Variants in MRE11 observed in about 807,000 individuals in gnomAD.
The protein encoded by MRE11 is MRE11 double strand break repair nuclease.
MRE11 carries 62 observed loss-of-function variants against 91.7 expected under a neutral mutation model. The ratio of observed to expected loss-of-function variants is 0.68; its 90% CI spans 0.55 to 0.84. The LOEUF (loss-of-function observed/expected upper bound fraction) is 0.84. Ranked by LOEUF, MRE11 falls within the 40% of genes least tolerant of loss-of-function variation. The pLI is 0.00. For missense variants in MRE11, 796 were observed against 852.9 expected (o/e 0.93, Z 0.83); for synonymous variants, 273 against 271.4 (o/e 1.01, Z -0.06).
the MRE11 span, among the ~76,000 whole-genome samples, chr11:94,508,697 T>A: frequency 1.3e-5 from 2 of 152,164 alleles, no homozygotes; most frequent in Non-Finnish European, 1.5e-5. Flanking sequence ...TGTGGTAGTG[T>A]AGATATTCCA....
At chr11:94,447,556 C>A in intron 14 of MRE11, 118 bp from the exon 15 acceptor site, 1 of 1,015,294 alleles carries the variant, frequency 9.8e-7, no homozygotes, top group South Asian at 1.4e-5. Context: ...GAGGCTGACA[C>A]AGTGGCTCAC....
intron 7 of MRE11, among the ~76,000 whole-genome samples, chr11:94,472,263 G>C (rs1443810910): frequency 6.6e-6 from 1 of 151,890 alleles, no homozygotes; most frequent in African/African-American, 2.4e-5. Context: ...AAATAAACAA[G>C]TGATATGCAA....
chr11:94,426,165 T>C (rs1945308226), intron 19 of MRE11, among the ~76,000 whole-genome samples: 1 of 152,150 alleles, frequency 6.6e-6, no homozygotes, highest in South Asian at 2.1e-4. Context: ...ATATCAATAT[T>C]AAGAAGATCT....
At chr11:94,450,222 T>C (rs1284726288) in intron 14 of MRE11, among the ~76,000 whole-genome samples, 3 of 152,226 alleles carry the variant, frequency 2.0e-5, no homozygotes, top group Admixed American at 2.0e-4. Flanking sequence ...AAAAACGTTA[T>C]CAGTGGCTCA....
At chr11:94,509,941 A>G in the MRE11 span, among the ~76,000 whole-genome samples, 16 of 152,130 alleles carry the variant, frequency 1.1e-4, no homozygotes, top group African/African-American at 3.6e-4. Flanking sequence ...ATTTTATTTA[A>G]TATCTGAATT....
intron 3 of MRE11, among the ~76,000 whole-genome samples, chr11:94,490,404 C>A (rs13447591): frequency 1.3e-5 from 2 of 152,156 alleles, no homozygotes; most frequent in Non-Finnish European, 2.9e-5. Context: ...ATAATCTAAA[C>A]GTGATTTTTT....
intron 4 of MRE11, among the ~76,000 whole-genome samples, chr11:94,485,141 T>C (rs1414121856): frequency 6.6e-6 from 1 of 151,900 alleles, no homozygotes; most frequent in Non-Finnish European, 1.5e-5. Flanking sequence ...TAATCCCAGC[T>C]ACTCAGGAGG....
chr11:94,474,014 T>C (rs1447352211), intron 7 of MRE11, among the ~76,000 whole-genome samples: 4 of 152,142 alleles, frequency 2.6e-5, no homozygotes, highest in Admixed American at 2.0e-4. Flanking sequence ...AGCACATATA[T>C]AGACATGTAT....
chr11:94,447,552 GACA>G, intron 14 of MRE11, 114 bp from the exon 15 acceptor site: 1 of 1,065,464 alleles, frequency 9.4e-7, no homozygotes, highest in Non-Finnish European at 1.4e-6. Flanking sequence ...AAAGGAGGCT[GACA>G]CAGTGGCTCA....
chr11:94,499,806 T>C, the MRE11 span, among the ~76,000 whole-genome samples: 1 of 152,202 alleles, frequency 6.6e-6, no homozygotes, highest in Non-Finnish European at 1.5e-5. Context: ...TTCAGTTAAA[T>C]TTTTAAGATG....
chr11:94,463,487 T>A (rs968156911), intron 11 of MRE11, among the ~76,000 whole-genome samples: 1 of 152,224 alleles, frequency 6.6e-6, no homozygotes, highest in African/African-American at 2.4e-5. Flanking sequence ...CACACATGTG[T>A]TTATTGTGGC....
chr11:94,468,167 G>A (rs1379656299), intron 9 of MRE11, among the ~76,000 whole-genome samples: 2 of 151,894 alleles, frequency 1.3e-5, no homozygotes, highest in Non-Finnish European at 2.9e-5. Context: ...GTTTCAATAA[G>A]GCTTTCCTCA....
At position 94,418,349 on chromosome 11, in the gene MRE11, G is replaced by C. The variant is rs104895005; in HGVS notation, c.*1776C>G. 4.3e-6 allele frequency: 1 copy of C among 232,086 alleles called. No homozygotes were observed. Among genetic ancestry groups the C allele is most frequent in the Non-Finnish European group, 8.5e-6 (1 of 117,742 alleles). The allele number at this position is 232,086 out of a possible 1,614,324, so 14.4% of individuals were successfully genotyped here. On this transcript the variant is annotated 3_prime_UTR_variant, in exon 20 of 20. Transcript: ENST00000323929. Reference sequence around the variant, plus strand: ...ACTTTCCTTAGCGGTGAACTGAATCGCATTTAGTACCTCTTTTCACAGCCA... The same window carrying C: ...ACTTTCCTTAGCGGTGAACTGAATCCCATTTAGTACCTCTTTTCACAGCCA...
At chr11:94,486,109 A>G (rs1947137439) in intron 3 of MRE11, 25 bp from the exon 4 acceptor site, 2 of 1,612,622 alleles carry the variant, frequency 1.2e-6, no homozygotes, top group Non-Finnish European at 1.7e-6. Flanking sequence ...AAGGTGTTAA[A>G]ATTAGTATGT....
At chr11:94,437,094 T>G in intron 17 of MRE11, 83 bp downstream of exon 17, 6 of 1,238,246 alleles carry the variant, frequency 4.8e-6, no homozygotes, top group Non-Finnish European at 6.9e-6. Context: ...TTCTTTTATT[T>G]ACTTTGTAAA....
At chr11:94,430,482 A>G (rs1591634601) in intron 18 of MRE11, among the ~76,000 whole-genome samples, 1 of 139,810 alleles carries the variant, frequency 7.2e-6, no homozygotes, top group East Asian at 2.2e-4. Context: ...TACTCTTTTT[A>G]CTCTTTTTTT....
At chr11:94,466,121 T>C (rs760534057) in intron 10 of MRE11, among the ~76,000 whole-genome samples, 9 of 152,114 alleles carry the variant, frequency 5.9e-5, no homozygotes, top group African/African-American at 9.7e-5. Context: ...AGGATCAACA[T>C]GGACAAAGGT....
chr11:94,495,908 C>CAG (rs2135160088), upstream of MRE11, among the ~76,000 whole-genome samples: 1 of 152,190 alleles, frequency 6.6e-6, no homozygotes, highest in South Asian at 2.1e-4. Flanking sequence ...TCCCAGTACC[C>CAG]AGAAGTTGGC....
Position 94,418,415 on chromosome 11 carries a change from T to C in MRE11, c.*1710A>G. On this transcript the variant is annotated 3_prime_UTR_variant, in exon 20 of 20. Transcript: ENST00000323929. ...TTTTTAAGGAAAAAAACTTTATTCC[T>C]TTTTTCCTAGGAACTTGTCAGGATA... The C allele has an allele frequency of 4.3e-6, 1 of 230,988 alleles. No individual in the cohort carries two copies. Among genetic ancestry groups the C allele is most frequent in the Non-Finnish European group, 8.6e-6 (1 of 116,594 alleles). 14.3% of individuals were successfully genotyped at this position (230,988 alleles called of 1,614,324 possible).
Sources: gnomAD v4.1 joint callset for allele counts (sites outside exome capture counted in the v4.1 genomes callset) on GRCh38, gnomAD v4.1.1 for gene constraint, MANE v1.5 for transcripts, NCBI Gene and HGNC (gene_info 2026-07-23, HGNC 2026-07-21) for gene names.